ZNF208: variants seen among roughly 807,000 people sequenced by gnomAD.
The protein encoded by ZNF208 is zinc finger protein 95.
Under a neutral mutation model 12.1 loss-of-function variants are expected in ZNF208, and 10 were observed. The observed-to-expected ratio is 0.83, with a 90% confidence interval of 0.51 to 1.40. The LOEUF is 1.40. ZNF208 is among the 40% of genes most tolerant of loss of function. The pLI, the probability that ZNF208 is intolerant of heterozygous loss-of-function variation, is 0.00. For missense variants in ZNF208, 1,652 were observed against 1,485.0 expected (o/e 1.11, Z -1.85); for synonymous variants, 497 against 488.4 (o/e 1.02, Z -0.23).
intron 3 of ZNF208, among the ~76,000 whole-genome samples, chr19:21,982,887 G>A (rs546583176): frequency 1.3e-5 from 2 of 152,146 alleles, no homozygotes; most frequent in East Asian, 1.9e-4. Flanking sequence ...AGATTTAAAT[G>A]TAACACTGCA....
Position 21,973,833 on chromosome 19 carries a change from C to A in ZNF208, c.1201G>T (p.Glu401Ter), listed in dbSNP as rs750864497. ...HTGEKPYKCE[E>*]CGKGFSMFSI... is the part of the protein sequence containing the mutation. The stretch of plus-strand genomic sequence containing the variant: ...AACATACTAAAACCTTTGCCACATT[C>A]TTCACATTTGTAGGGTTTCTCTCCA... Residue 401 changes from glutamate to a stop codon, truncating the protein, a stop_gained, in exon 4 of 4, where the codon GAA becomes TAA. Transcript: ENST00000397126. LOFTEE classifies it low-confidence loss of function (END_TRUNC). 4 of 1,613,544 alleles carry A rather than the reference C, an allele frequency of 2.5e-6. No homozygotes were observed. The South Asian group carries it at 4.4e-5, about 18-fold the overall frequency.
chr19:21,966,886 C>T lies in ZNF208; in HGVS notation c.*4305G>A, dbSNP rs1340686852. The T allele has an allele frequency of 6.6e-6, 1 of 152,102 alleles. No individual in the cohort carries two copies. The highest frequency in any genetic ancestry group is 2.4e-5 in the African/African-American group (1 of 41,444). 9.4% of individuals were successfully genotyped at this position (152,102 alleles called of 1,614,324 possible). ...GCAATTTTTACATGTTTATTGGCAG[C>T]TCTTATGTCTTCCTTTGAGAAGAAG... On this transcript the variant is annotated 3_prime_UTR_variant, in exon 4 of 4. Coordinates refer to ENST00000397126, the MANE Select transcript of ZNF208 (RefSeq NM_007153.3).
At chr19:21,963,515 A>C (rs1417518365), downstream of ZNF208, among the ~76,000 whole-genome samples, 1 of 152,024 alleles carries the variant, frequency 6.6e-6, no homozygotes, top group Non-Finnish European at 1.5e-5. Context: ...GGGGAAATTG[A>C]TATCTTTACG....
chr19:21,946,633 T>C (rs1321719531), intron 4 of ZNF208, among the ~76,000 whole-genome samples: 12 of 152,176 alleles, frequency 7.9e-5, no homozygotes, highest in Non-Finnish European at 1.8e-4. Flanking sequence ...CTATAACATA[T>C]TTTGGTGTGT....
At position 21,966,941 on chromosome 19, in the gene ZNF208, A is replaced by G. The variant is rs1009080664; in HGVS notation, c.*4250T>C. The G allele has an allele frequency of 6.6e-6, 1 of 152,088 alleles. No individual in the cohort carries two copies. The highest frequency in any genetic ancestry group is 1.5e-5 in the Non-Finnish European group (1 of 67,988). 9.4% of individuals were successfully genotyped at this position (152,088 alleles called of 1,614,324 possible). The stretch of plus-strand genomic sequence containing the variant: ...CTATTCATATCATGTTTGCTTTTTT[A>G]TTAAATGTATTATAGATTCTGTACA... On this transcript the variant is annotated 3_prime_UTR_variant, in exon 4 of 4. Transcript: ENST00000397126.
intron 1 of ZNF208, among the ~76,000 whole-genome samples, chr19:22,010,537 G>C (rs1055031054): frequency 6.6e-6 from 1 of 152,210 alleles, no homozygotes; most frequent in Non-Finnish European, 1.5e-5. Context: ...TCCGCGCTGC[G>C]GGTGCAGAGC....
intron 1 of ZNF208, among the ~76,000 whole-genome samples, chr19:22,000,005 G>C (rs1027249602): frequency 2.0e-5 from 3 of 152,116 alleles, no homozygotes; most frequent in African/African-American, 7.2e-5. Context: ...TTTATGGGGG[G>C]AAAAGCAGAA....
intron 4 of ZNF208, among the ~76,000 whole-genome samples, chr19:21,955,289 T>C (rs917098956): frequency 6.6e-6 from 1 of 152,224 alleles, no homozygotes; most frequent in African/African-American, 2.4e-5. Flanking sequence ...CTTTGATGAA[T>C]CTGACGATTA....
rs191476349 is a variant in ZNF208 at position 21,969,386 on chromosome 19, C to A, written c.*1805G>T. Among the ~76,000 whole-genome samples the A allele has an allele frequency of 6.6e-6, 1 of 152,134 alleles. No homozygotes were observed. The highest frequency in any genetic ancestry group is 1.9e-4 in the East Asian group (1 of 5,182). ...TATATACAAATAATTCTTCTTTTTG[C>A]CAACTTTAGTTTTGGATTTTTTCCT... On this transcript the variant is annotated 3_prime_UTR_variant, in exon 4 of 4. Coordinates refer to ENST00000397126, the MANE Select transcript of ZNF208 (RefSeq NM_007153.3).
intron 4 of ZNF208, among the ~76,000 whole-genome samples, chr19:21,957,622 G>C (rs1969997117): frequency 6.6e-6 from 1 of 152,002 alleles, no homozygotes. Flanking sequence ...GGTATTTAAG[G>C]GTACAAATCC....
At chr19:21,994,923 G>C (rs1282190321) in intron 1 of ZNF208, among the ~76,000 whole-genome samples, 5 of 151,058 alleles carry the variant, frequency 3.3e-5, no homozygotes, top group Non-Finnish European at 7.4e-5. Context: ...CAGGATGGTA[G>C]CAATCATGAC....
At chr19:21,964,536 C>T (rs1202273372), downstream of ZNF208, among the ~76,000 whole-genome samples, 2 of 151,608 alleles carry the variant, frequency 1.3e-5, no homozygotes, top group African/African-American at 4.8e-5. Context: ...AACAATATGC[C>T]TTCTTCTCTC....
At chr19:21,953,825 T>C (rs531310435) in intron 4 of ZNF208, among the ~76,000 whole-genome samples, 192 of 152,296 alleles carry the variant, frequency 1.3e-3, no homozygotes, top group African/African-American at 4.3e-3. Flanking sequence ...TTTTTGTGTC[T>C]CTATCTCTTT....
rs1160805794 is a variant in ZNF208, at chr19:21,969,264, G to C, written c.*1927C>G. 7.2e-6 allele frequency among the ~76,000 whole-genome samples: 1 copy of C among 138,540 alleles called. No individual in the cohort carries two copies. Among genetic ancestry groups the C allele is most frequent in the African/African-American group, 2.8e-5 (1 of 35,688 alleles). 90.9% of individuals were successfully genotyped at this position (138,540 alleles called of 152,430 possible). ...CATCACAAAGTATTGGCCACAGTAA[G>C]CCAATGTGTCTGGAAAAAAAAAAAA... is the stretch of plus-strand genomic sequence containing the variant. On this transcript the variant is annotated 3_prime_UTR_variant, in exon 4 of 4. Transcript: ENST00000397126.
intron 3 of ZNF208, among the ~76,000 whole-genome samples, chr19:21,986,365 CTT>C (rs1031942569): frequency 1.3e-5 from 2 of 151,920 alleles, no homozygotes; most frequent in Admixed American, 6.6e-5. Flanking sequence ...TTTCCATACA[CTT>C]AAACTATCTG....
chr19:21,989,816 C>G (rs57286877), intron 1 of ZNF208, among the ~76,000 whole-genome samples: 23,334 of 152,130 alleles, frequency 0.15, 1,945 homozygotes, highest in Admixed American at 0.22. Flanking sequence ...TTTTGATTTG[C>G]ATTACTCTGA....
At chr19:21,945,378 A>AT (rs1462593450) in intron 4 of ZNF208, among the ~76,000 whole-genome samples, 21 of 152,126 alleles carry the variant, frequency 1.4e-4, no homozygotes, top group African/African-American at 4.3e-4. Flanking sequence ...CTCTTGTTTA[A>AT]ATTTTTTTGA....
At position 21,973,647 on chromosome 19, in the gene ZNF208, T is replaced by G; in HGVS notation, c.1387A>C (p.Ser463Arg). The G allele has an allele frequency of 6.3e-7, 1 of 1,575,902 alleles. No individual in the cohort carries two copies. The highest frequency in any genetic ancestry group is 8.7e-7 in the Non-Finnish European group (1 of 1,147,848). Residue 463 changes from serine (S) to arginine (R), a missense_variant, in exon 4 of 4, where the codon AGT becomes CGT. Ser to Arg is a moderately radical substitution (Grantham distance 110). Around this residue, in one of 3 missense-constraint regions of ZNF208, gnomAD observed 1,239 missense variants for 1,086.2 expected, o/e 1.14. Transcript: ENST00000397126. ...TGTTTAGTAAGGATTGAGAACATAC[T>G]AAAGCCTTTGCCACATTCTTCACAT... ...YKCEECGKGF[S>R]MFSILTKHKV...
At chr19:21,989,056 T>C in intron 1 of ZNF208, 147 bp from the exon 2 acceptor site, 2 of 1,131,676 alleles carry the variant, frequency 1.8e-6, no homozygotes, top group Non-Finnish European at 2.5e-6. Context: ...TTAACACAAA[T>C]ATTCTCTAAC....
Sources: allele counts gnomAD v4.1 joint callset (sites outside exome capture counted in the v4.1 genomes callset), GRCh38; gene constraint gnomAD v4.1.1; regional missense constraint gnomAD v4.1.1; transcripts MANE v1.5; gene names NCBI Gene and HGNC (gene_info 2026-07-23, HGNC 2026-07-21).